The following ERBB4 variants were observed in gnomAD, a reference collection of about 807,000 sequenced individuals.
The protein encoded by ERBB4 is erb-b2 receptor tyrosine kinase 4.
ERBB4 carries 42 observed loss-of-function variants against 158.0 expected under a neutral mutation model. The observed-to-expected ratio is 0.27, with a 90% CI of 0.21 to 0.34. The LOEUF is 0.34. Among genes scored for constraint, ERBB4 ranks in the 10% least tolerant of loss-of-function variants. The probability of loss-of-function intolerance (pLI) is 1.00; values close to 1 mark genes in which losing one functional copy is unlikely to be tolerated. For synonymous variants in ERBB4, 583 were observed against 558.7 expected (o/e 1.04, Z -0.61); for missense variants, 1,333 against 1,624.1 (o/e 0.82, Z 3.08).
intron 3 of ERBB4, among the ~76,000 whole-genome samples, chr2:211,843,889 A>C (rs1041460570): frequency 6.6e-6 from 1 of 152,118 alleles, no homozygotes; most frequent in African/African-American, 2.4e-5. Flanking sequence ...CTTTCTTAAT[A>C]ATATTTACAG....
At chr2:211,512,020 A>C (rs2030457) in intron 20 of ERBB4, among the ~76,000 whole-genome samples, 1 of 151,944 alleles carries the variant, frequency 6.6e-6, no homozygotes, top group Admixed American at 6.5e-5. Flanking sequence ...GAAGATTCAC[A>C]CAGCATTGGT....
intron 19 of ERBB4, among the ~76,000 whole-genome samples, chr2:211,562,333 CAATT>C (rs2067419645): frequency 6.6e-6 from 1 of 152,190 alleles, no homozygotes; most frequent in Non-Finnish European, 1.5e-5. Context: ...ACTGCCTACA[CAATT>C]AATAGCAGTA....
At chr2:211,522,702 G>A (rs1270014590) in intron 20 of ERBB4, among the ~76,000 whole-genome samples, 1 of 152,116 alleles carries the variant, frequency 6.6e-6, no homozygotes, top group Non-Finnish European at 1.5e-5. Flanking sequence ...CCTATTTTAA[G>A]AAATTTCACC....
intron 2 of ERBB4, among the ~76,000 whole-genome samples, chr2:212,033,860 C>T (rs906060941): frequency 6.6e-6 from 1 of 151,720 alleles, no homozygotes; most frequent in Non-Finnish European, 1.5e-5. Context: ...GATATTAATA[C>T]CAAATTACGC....
intron 2 of ERBB4, among the ~76,000 whole-genome samples, chr2:212,058,985 T>G (rs956459998): frequency 2.6e-5 from 4 of 152,066 alleles, no homozygotes; most frequent in African/African-American, 9.7e-5. Flanking sequence ...CAATTAGGCA[T>G]AGAGGAAGTC....
At chr2:211,564,665 C>T (rs544680834) in intron 19 of ERBB4, among the ~76,000 whole-genome samples, 35 of 152,040 alleles carry the variant, frequency 2.3e-4, no homozygotes, top group East Asian at 1.9e-3. Flanking sequence ...TCTTTGTAAA[C>T]GTGCTCATAA....
At chr2:211,452,970 A>G (rs897427642) in intron 20 of ERBB4, among the ~76,000 whole-genome samples, 1 of 152,234 alleles carries the variant, frequency 6.6e-6, no homozygotes, top group African/African-American at 2.4e-5. Flanking sequence ...GAAAGAAGCC[A>G]TTGAAAACTG....
intron 19 of ERBB4, among the ~76,000 whole-genome samples, chr2:211,580,879 A>ATT (rs1559317742): frequency 1.5e-5 from 1 of 67,136 alleles, no homozygotes; most frequent in African/African-American, 9.4e-5. Flanking sequence ...ATATATATAT[A>ATT]TATATATATA....
At chr2:211,619,598 G>T (rs1405739016) in intron 18 of ERBB4, among the ~76,000 whole-genome samples, 1 of 152,094 alleles carries the variant, frequency 6.6e-6, no homozygotes, top group Non-Finnish European at 1.5e-5. Flanking sequence ...ATCTGATTTG[G>T]ATGGTATCAT....
intron 1 of ERBB4, among the ~76,000 whole-genome samples, chr2:212,192,250 T>C (rs1041637164): frequency 4.2e-5 from 5 of 117,750 alleles, no homozygotes; most frequent in Non-Finnish European, 6.8e-5. Context: ...TAAATGCTAA[T>C]TTCCCCTATA....
intron 1 of ERBB4, among the ~76,000 whole-genome samples, chr2:212,189,083 G>T (rs570025575): frequency 0.23 from 22,396 of 96,646 alleles, 2,247 homozygotes; most frequent in African/African-American, 0.3. Context: ...CTTTTTTTTT[G>T]GGGGGGGGGG....
At chr2:211,552,909 CCT>C (rs2067139405) in intron 20 of ERBB4, among the ~76,000 whole-genome samples, 1 of 151,984 alleles carries the variant, frequency 6.6e-6, no homozygotes, top group African/African-American at 2.4e-5. Context: ...AAGAATTTCC[CCT>C]GAGCTCAGTT....
intron 20 of ERBB4, among the ~76,000 whole-genome samples, chr2:211,452,937 C>G (rs950555343): frequency 6.6e-6 from 1 of 152,168 alleles, no homozygotes; most frequent in African/African-American, 2.4e-5. Context: ...TAATTAGTCT[C>G]TCAGAGTGTT....
chr2:212,371,530 T>A (rs780028424), intron 1 of ERBB4, among the ~76,000 whole-genome samples: 7 of 152,228 alleles, frequency 4.6e-5, no homozygotes, highest in Non-Finnish European at 8.8e-5. Flanking sequence ...TCTTTTAAAA[T>A]CCAATGCAAG....
At chr2:211,501,781 A>G (rs1574619583) in intron 20 of ERBB4, among the ~76,000 whole-genome samples, 1 of 152,146 alleles carries the variant, frequency 6.6e-6, no homozygotes, top group Admixed American at 6.5e-5. Context: ...ATTAAATACA[A>G]TATATAAAAT....
In ERBB4 at chr2:212,050,043, G is replaced by C. The variant is rs192182421; in HGVS notation, c.234+74709C>G. On this transcript the variant is annotated intron_variant, in intron 2 of 27. Transcript: ENST00000342788. ...AAGGAACAGGGACAAAGATAAGCTAGGGTTACCTTTTGAAAAAAAATGGGG... is the reference window on the plus strand; with the variant it reads ...AAGGAACAGGGACAAAGATAAGCTACGGTTACCTTTTGAAAAAAAATGGGG... Among the ~76,000 whole-genome samples the C allele has an allele frequency of 1.9e-3, 294 of 152,114 alleles. 1 individual carries two copies. Among genetic ancestry groups the C allele is most frequent in the Non-Finnish European group, 3.0e-3 (205 of 67,944 alleles).
intron 2 of ERBB4, among the ~76,000 whole-genome samples, chr2:212,089,508 T>A (rs2078711602): frequency 6.6e-6 from 1 of 152,164 alleles, no homozygotes; most frequent in Admixed American, 6.5e-5. Flanking sequence ...GAAGTCCTCA[T>A]GCATGGTTTA....
chr2:212,176,160 C>A (rs1007437034), intron 1 of ERBB4, among the ~76,000 whole-genome samples: 11 of 151,942 alleles, frequency 7.2e-5, no homozygotes, highest in African/African-American at 2.7e-4. Context: ...CTCAGGCTAA[C>A]CCTTGCTGTG....
At chr2:211,815,241 A>G (rs2076859182) in intron 3 of ERBB4, among the ~76,000 whole-genome samples, 1 of 152,232 alleles carries the variant, frequency 6.6e-6, no homozygotes, top group African/African-American at 2.4e-5. Flanking sequence ...AATAGCAACT[A>G]TGGATTTGAT....
Sources: gnomAD v4.1 joint callset for allele counts (sites outside exome capture counted in the v4.1 genomes callset) on GRCh38, gnomAD v4.1.1 for gene constraint, MANE v1.5 for transcripts, NCBI Gene and HGNC (gene_info 2026-07-23, HGNC 2026-07-21) for gene names.